Variants in DPP6 observed in about 807,000 individuals in gnomAD.
DPP6 encodes A-type potassium channel modulatory protein DPP6.
Under a neutral mutation model 122.6 loss-of-function variants are expected in DPP6, and 69 were observed. That is an observed-to-expected ratio of 0.56 (90% CI 0.46 to 0.69). The LOEUF (loss-of-function observed/expected upper bound fraction) is 0.69. Ranked by LOEUF, DPP6 falls within the 30% of genes least tolerant of loss-of-function variation. DPP6 has a pLI of 0.00. For missense variants in DPP6, 928 were observed against 1,116.9 expected, an observed-to-expected ratio of 0.83 and a Z score of 2.41; for synonymous variants, 418 against 433.1, an observed-to-expected ratio of 0.97 and a Z score of 0.43.
intron 1 of DPP6, among the ~76,000 whole-genome samples, chr7:153,959,321 G>C (rs539925879): frequency 6.6e-6 from 1 of 151,328 alleles, no homozygotes; most frequent in Non-Finnish European, 1.5e-5. Context: ...TCACCTGTGG[G>C]TTGAATCTCC....
intron 1 of DPP6, among the ~76,000 whole-genome samples, chr7:154,031,062 C>T (rs867950398): frequency 1.5e-4 from 23 of 152,080 alleles, no homozygotes; most frequent in Middle Eastern, 6.8e-3. Flanking sequence ...GTCTTATCCT[C>T]CCTGGCTATT....
chr7:154,610,837 G>A (rs1171228716), intron 5 of DPP6, among the ~76,000 whole-genome samples: 1 of 152,010 alleles, frequency 6.6e-6, no homozygotes, highest in Non-Finnish European at 1.5e-5. Context: ...TCACTCATCT[G>A]AAATATCCTT....
In DPP6 at chr7:154,668,197, TTATA is replaced by T. The variant is rs10668895; in HGVS notation, c.681-1144_681-1141del. 4.1e-4 allele frequency among the ~76,000 whole-genome samples: 15 copies of T among 36,482 alleles called. 5 individuals carry two copies. In the East Asian group the frequency reaches 7.8e-3, roughly 19 times the overall value. 23.9% of individuals were successfully genotyped at this position (36,482 alleles called of 152,430 possible). A position where few individuals can be genotyped will look rare whatever the true frequency, so the allele number is the denominator to read the frequency against. ...GTGCATTCCCAGCTATGTGTATATT[TTATA>T]TATATATATATATATATAATATACA... is the stretch of plus-strand genomic sequence containing the variant. On this transcript the variant is annotated intron_variant, in intron 6 of 25. Coordinates refer to ENST00000377770, the MANE Select transcript of DPP6 (RefSeq NM_130797.4).
chr7:153,937,424 T>G (rs1187654485), intron 1 of DPP6, among the ~76,000 whole-genome samples: 1 of 149,988 alleles, frequency 6.7e-6, no homozygotes, highest in Non-Finnish European at 1.5e-5. Context: ...TTTTCTTCCC[T>G]CTTCAGAGCT....
intron 1 of DPP6, among the ~76,000 whole-genome samples, chr7:154,035,145 C>G (rs1319384209): frequency 1.3e-5 from 2 of 152,218 alleles, no homozygotes; most frequent in African/African-American, 2.4e-5. Context: ...GAGGGTAAAG[C>G]CTTTAACTTT....
At chr7:154,491,624 C>T (rs1824287489) in intron 3 of DPP6, among the ~76,000 whole-genome samples, 2 of 152,198 alleles carry the variant, frequency 1.3e-5, no homozygotes, top group African/African-American at 4.8e-5. Context: ...AGAACAAAAG[C>T]TCCACCTTAT....
At chr7:153,808,846 G>A in the DPP6 span, among the ~76,000 whole-genome samples, 2 of 152,014 alleles carry the variant, frequency 1.3e-5, no homozygotes, top group African/African-American at 4.8e-5. Context: ...AGTGCAGTGA[G>A]CATGGGAGTG....
At chr7:153,779,203 G>T in the DPP6 span, among the ~76,000 whole-genome samples, 47 of 147,222 alleles carry the variant, frequency 3.2e-4, 1 homozygote, top group African/African-American at 1.2e-3. Flanking sequence ...GGTACCTTGG[G>T]GAAGTGGTGG....
At chr7:154,331,805 C>T (rs538176206) in intron 1 of DPP6, among the ~76,000 whole-genome samples, 1 of 152,296 alleles carries the variant, frequency 6.6e-6, no homozygotes, top group Non-Finnish European at 1.5e-5. Context: ...GCCACTTTTT[C>T]AGGGTCGTAA....
At chr7:154,804,813 G>A in intron 14 of DPP6, 104 bp from the exon 15 acceptor site, 1 of 1,501,034 alleles carries the variant, frequency 6.7e-7, no homozygotes, top group South Asian at 1.2e-5. Flanking sequence ...TGCAGGCCAT[G>A]GGCGGCAGTC....
At position 153,943,556 on chromosome 7, in the gene DPP6, G is replaced by A. The variant is rs114989028; in HGVS notation, c.51+55822G>A. 5.2e-3 allele frequency among the ~76,000 whole-genome samples: 794 copies of A among 152,224 alleles called. 6 individuals carry two copies. The highest frequency in any genetic ancestry group is 0.019 in the African/African-American group (770 of 41,534). On this transcript the variant is annotated intron_variant, in intron 1 of 25. Coordinates refer to the DPP6 transcript ENST00000404039. ...ATCAAGATTTCCTTTGACACGCTCT[G>A]GCTTCAGATAGTGATTTACTTTCTA...
chr7:154,821,491 A>G lies in DPP6; in HGVS notation c.1666+14379A>G, dbSNP rs986388330. Among the ~76,000 whole-genome samples, 1 of 151,980 alleles carries G rather than the reference A, an allele frequency of 6.6e-6. No homozygotes were observed. Among genetic ancestry groups the G allele is most frequent in the African/African-American group, 2.4e-5 (1 of 41,392 alleles). The stretch of plus-strand genomic sequence containing the variant: ...CTCTTAGCCTAGCATTCAAGGCTGC[A>G]TACAATCTGGCCACATCCTACTTAT... On this transcript the variant is annotated intron_variant, in intron 16 of 25. Coordinates refer to ENST00000377770, the MANE Select transcript of DPP6 (RefSeq NM_130797.4). The surrounding 1 kb of genome is among the most constrained non-coding windows in gnomAD (Gnocchi z 4.2).
chr7:154,421,467 C>T (rs774639666), intron 1 of DPP6, among the ~76,000 whole-genome samples: 23 of 152,144 alleles, frequency 1.5e-4, no homozygotes, highest in Non-Finnish European at 3.2e-4. Context: ...GGATTACAGG[C>T]GTGCACCACC....
chr7:154,826,190 T>C (rs1800131291), intron 16 of DPP6, among the ~76,000 whole-genome samples: 1 of 152,206 alleles, frequency 6.6e-6, no homozygotes, highest in African/African-American at 2.4e-5. Flanking sequence ...AGCCTTCAAA[T>C]AGGAACAAAG....
At chr7:153,965,011 C>T (rs565061645) in intron 1 of DPP6, among the ~76,000 whole-genome samples, 1 of 140,484 alleles carries the variant, frequency 7.1e-6, no homozygotes, top group Non-Finnish European at 1.5e-5. Flanking sequence ...TTCCTTCCTT[C>T]CTTCCTTCCT....
intron 7 of DPP6, among the ~76,000 whole-genome samples, chr7:154,678,466 G>A (rs560626863): frequency 4.6e-5 from 7 of 152,156 alleles, no homozygotes; most frequent in African/African-American, 1.4e-4. Context: ...CACTCACTGC[G>A]AAGGTCTACG....
chr7:154,083,156 A>G (rs1021090539), intron 1 of DPP6, among the ~76,000 whole-genome samples: 1 of 151,666 alleles, frequency 6.6e-6, no homozygotes, highest in Non-Finnish European at 1.5e-5. Context: ...GCCTGTGCCT[A>G]TCGTTTAACT....
At chr7:154,281,531 G>A (rs1422816693) in intron 1 of DPP6, among the ~76,000 whole-genome samples, 1 of 152,078 alleles carries the variant, frequency 6.6e-6, no homozygotes, top group South Asian at 2.1e-4. Flanking sequence ...CACCACCACT[G>A]TTTGTTGTAA....
At chr7:154,470,116 C>T in intron 2 of DPP6, among the ~76,000 whole-genome samples, 1 of 152,166 alleles carries the variant, frequency 6.6e-6, no homozygotes, top group East Asian at 1.9e-4. Flanking sequence ...TACTCTGAGC[C>T]TCAGCTTGGG....
Sources: gnomAD v4.1 joint callset for allele counts (sites outside exome capture counted in the v4.1 genomes callset) on GRCh38, gnomAD v4.1.1 for gene constraint, Gnocchi (gnomAD v3.1) non-coding constraint, MANE v1.5 for transcripts, NCBI Gene and HGNC (gene_info 2026-07-23, HGNC 2026-07-21) for gene names.